The following PTPN4 variants were observed in gnomAD, a reference collection of about 807,000 sequenced individuals.
The protein encoded by PTPN4 is protein tyrosine phosphatase non-receptor type 4.
A neutral mutation model predicts 135.5 loss-of-function variants in PTPN4; 49 were observed. The ratio of observed to expected loss-of-function variants is 0.36; its 90% confidence interval spans 0.29 to 0.46. PTPN4 has a LOEUF of 0.46. Ranked by LOEUF, PTPN4 falls within the 20% of genes least tolerant of loss-of-function variation. The probability of loss-of-function intolerance (pLI) is 1.00; values close to 1 mark genes in which losing one functional copy is unlikely to be tolerated. For missense variants in PTPN4, 860 were observed against 1,101.0 expected (o/e 0.78, Z 3.10); for synonymous variants, 333 against 369.9 (o/e 0.90, Z 1.14).
chr2:119,843,218 CTT>C (rs779045976), intron 2 of PTPN4, among the ~76,000 whole-genome samples: 118 of 107,284 alleles, frequency 1.1e-3, no homozygotes, highest in African/African-American at 3.3e-3. Context: ...ATGCATTTTT[CTT>C]TTTTTTTTTT....
Position 119,915,241 on chromosome 2 carries a change from T to C in PTPN4, c.827T>C (p.Leu276Ser). 6.5e-7 allele frequency: 1 copy of C among 1,532,416 alleles called. No individual in the cohort carries two copies. Among genetic ancestry groups the C allele is most frequent in the Non-Finnish European group, 8.8e-7 (1 of 1,139,574 alleles). 94.9% of individuals were successfully genotyped at this position (1,532,416 alleles called of 1,614,324 possible). Reference sequence around the variant, plus strand: ...TTTTTTATTCAACTTAGAAAAGAATTGGTGAGTACGGATTTAATAATTATT... The same window carrying C: ...TTTTTTATTCAACTTAGAAAAGAATCGGTGAGTACGGATTTAATAATTATT... ...KQFFIQLRKE[L>S]HESRETLLGF... The change falls in exon 11 of 27, where the codon TTG becomes TCG. Residue 276 changes from leucine (L) to serine (S), a missense_variant and splice_region_variant. Around this residue, in one of 2 missense-constraint regions of PTPN4, gnomAD observed 684 missense variants for 807.0 expected, o/e 0.85. Coordinates refer to ENST00000263708, the MANE Select transcript of PTPN4 (RefSeq NM_002830.4).
At chr2:119,920,443 T>G (rs1678719617) in intron 12 of PTPN4, among the ~76,000 whole-genome samples, 1 of 152,090 alleles carries the variant, frequency 6.6e-6, no homozygotes, top group African/African-American at 2.4e-5. Flanking sequence ...GAGAAACCAG[T>G]TCTGTGTTCT....
At chr2:119,787,965 A>G (rs945979421) in intron 1 of PTPN4, among the ~76,000 whole-genome samples, 12 of 152,186 alleles carry the variant, frequency 7.9e-5, no homozygotes, top group Admixed American at 3.3e-4. Context: ...TGTTGCCCCT[A>G]GGAGTAGGGC....
In PTPN4 at chr2:119,979,930, T is replaced by C. The variant is rs1335517450; in HGVS notation, c.*2860T>C. 6.6e-6 allele frequency: 1 copy of C among 152,158 alleles called. No individual in the cohort carries two copies. The highest frequency in any genetic ancestry group is 1.5e-5 in the Non-Finnish European group (1 of 67,962). The allele number at this position is 152,158 out of a possible 1,614,324, so 9.4% of individuals were successfully genotyped here. A position where few individuals can be genotyped will look rare whatever the true frequency, so the allele number is the denominator to read the frequency against. On this transcript the variant is annotated 3_prime_UTR_variant, in exon 27 of 27. Coordinates refer to ENST00000263708, the MANE Select transcript of PTPN4 (RefSeq NM_002830.4). The stretch of plus-strand genomic sequence containing the variant: ...TTTTTCCTGTTCATTTCAGGTGTTT[T>C]ATTGAGCATCTGATTTGTGTCAGCA...
chr2:119,827,672 G>A (rs1296566777), intron 2 of PTPN4, among the ~76,000 whole-genome samples: 1 of 152,114 alleles, frequency 6.6e-6, no homozygotes, highest in East Asian at 1.9e-4. Flanking sequence ...CTTCAGATGC[G>A]TCCGTTGTGC....
intron 12 of PTPN4, among the ~76,000 whole-genome samples, chr2:119,925,139 A>T (rs1230571415): frequency 6.6e-6 from 1 of 152,148 alleles, no homozygotes; most frequent in African/African-American, 2.4e-5. Context: ...TTAATCAAGG[A>T]TGGGACCATC....
chr2:119,917,956 T>C (rs1481573096), intron 11 of PTPN4, among the ~76,000 whole-genome samples: 2 of 152,204 alleles, frequency 1.3e-5, no homozygotes, highest in African/African-American at 2.4e-5. Flanking sequence ...AAATTACTTA[T>C]AGACTTTTTG....
chr2:119,766,858 A>G (rs1466147321), intron 1 of PTPN4, among the ~76,000 whole-genome samples: 1 of 152,214 alleles, frequency 6.6e-6, no homozygotes, highest in East Asian at 1.9e-4. Flanking sequence ...ATGGGGGGAA[A>G]GAGTTGAAGA....
At chr2:119,775,267 G>A (rs558561239) in intron 1 of PTPN4, among the ~76,000 whole-genome samples, 2 of 152,128 alleles carry the variant, frequency 1.3e-5, no homozygotes, top group South Asian at 2.1e-4. Flanking sequence ...GCTAACCCCC[G>A]AGCCTTGATG....
Position 119,932,470 on chromosome 2 carries a change from G to A in PTPN4, c.1117G>A (p.Val373Ile), listed in dbSNP as rs1678920687. 3 of 1,611,282 alleles carry A rather than the reference G, an allele frequency of 1.9e-6. No individual in the cohort carries two copies. Among genetic ancestry groups the A allele is most frequent in the Admixed American group, 1.7e-5 (1 of 59,954 alleles). ...LARKLMDWEV[V>I]SRNSISDDRL... is the part of the protein sequence containing the mutation. ...ACGGAAATTAATGGATTGGGAAGTAGTAAGCAGAAATTCAATATCTGATGA... is the reference window on the plus strand; with the variant it reads ...ACGGAAATTAATGGATTGGGAAGTAATAAGCAGAAATTCAATATCTGATGA... The change falls in exon 14 of 27, where the codon GTA (valine) becomes ATA (isoleucine). Residue 373 changes from valine (V) to isoleucine (I), a missense_variant. Transcript: ENST00000263708.
chr2:119,935,964 C>G (rs1678975905), intron 15 of PTPN4, among the ~76,000 whole-genome samples: 2 of 152,040 alleles, frequency 1.3e-5, no homozygotes, highest in Non-Finnish European at 2.9e-5. Flanking sequence ...AGGGCCTTTT[C>G]CAAAGAAAGA....
intron 2 of PTPN4, among the ~76,000 whole-genome samples, chr2:119,852,126 T>A (rs1349777080): frequency 6.6e-6 from 1 of 152,252 alleles, no homozygotes; most frequent in East Asian, 1.9e-4. Flanking sequence ...ATCCTCAGCT[T>A]TGTTGGGACA....
intron 2 of PTPN4, among the ~76,000 whole-genome samples, chr2:119,834,171 G>A (rs1288229758): frequency 6.6e-6 from 1 of 152,030 alleles, no homozygotes; most frequent in Non-Finnish European, 1.5e-5. Context: ...CTATGTGCTG[G>A]GAACATTTCA....
At chr2:119,943,672 G>A (rs1034264031) in intron 15 of PTPN4, among the ~76,000 whole-genome samples, 1 of 125,022 alleles carries the variant, frequency 8.0e-6, no homozygotes, top group Non-Finnish European at 1.6e-5. Context: ...TGCAAGCTCC[G>A]CCTCCCAGGT....
intron 9 of PTPN4, among the ~76,000 whole-genome samples, chr2:119,895,930 AAG>A (rs917777722): frequency 2.0e-5 from 3 of 151,956 alleles, no homozygotes; most frequent in African/African-American, 7.3e-5. Context: ...AAAAAAAAAA[AAG>A]AGGGGATAGC....
At chr2:119,868,450 A>G (rs1677862308) in intron 3 of PTPN4, among the ~76,000 whole-genome samples, 1 of 152,240 alleles carries the variant, frequency 6.6e-6, no homozygotes, top group African/African-American at 2.4e-5. Context: ...TTTAATATAT[A>G]CTGTTGGGAA....
At chr2:119,826,740 T>C (rs1677152292) in intron 2 of PTPN4, among the ~76,000 whole-genome samples, 1 of 152,158 alleles carries the variant, frequency 6.6e-6, no homozygotes, top group Non-Finnish European at 1.5e-5. Context: ...TTTAAAATAA[T>C]CTTAGGTGAG....
chr2:119,935,049 C>T, intron 15 of PTPN4, 91 bp downstream of exon 15: 1 of 1,379,306 alleles, frequency 7.3e-7, no homozygotes, highest in South Asian at 1.4e-5. Context: ...ATATTCGATA[C>T]AAGATTTTAA....
rs1015678989 is a variant in PTPN4, at chr2:119,780,050, T to G, written c.-18+19666T>G. Among the ~76,000 whole-genome samples the G allele has an allele frequency of 6.3e-4, 87 of 137,338 alleles. 1 individual carries two copies. The highest frequency in any genetic ancestry group is 1.3e-3 in the Non-Finnish European group (79 of 62,478). The allele number at this position is 137,338 out of a possible 152,430, so 90.1% of individuals were successfully genotyped here. A position where few individuals can be genotyped will look rare whatever the true frequency, so the allele number is the denominator to read the frequency against. The stretch of plus-strand genomic sequence containing the variant: ...CATGAGCCACCACACCTGGCTGAAA[T>G]AATTTTTTTTTTAACTCTTTCCTCA... On this transcript the variant is annotated intron_variant, in intron 1 of 26. Coordinates refer to ENST00000263708, the MANE Select transcript of PTPN4 (RefSeq NM_002830.4).
Sources: allele counts gnomAD v4.1 joint callset (sites outside exome capture counted in the v4.1 genomes callset), GRCh38; gene constraint gnomAD v4.1.1; regional missense constraint gnomAD v4.1.1; transcripts MANE v1.5; gene names NCBI Gene and HGNC (gene_info 2026-07-23, HGNC 2026-07-21).